ROBO4: variants seen among roughly 807,000 people sequenced by gnomAD.
ROBO4 encodes roundabout guidance receptor 4.
ROBO4 carries 80 observed loss-of-function variants against 103.3 expected under a neutral mutation model. That is an observed-to-expected ratio of 0.77 (90% CI 0.65 to 0.93). The LOEUF (loss-of-function observed/expected upper bound fraction) is 0.93, where lower values mean the gene tolerates loss of function less well. Among genes scored for constraint, ROBO4 ranks in the 40% least tolerant of loss-of-function variants. The pLI is 0.00. For missense variants in ROBO4, 1,333 were observed against 1,305.3 expected (o/e 1.02, Z -0.33); for synonymous variants, 504 against 529.7 (o/e 0.95, Z 0.67).
intron 4 of ROBO4, 115 bp from the exon 5 acceptor site, chr11:124,896,027 A>G (rs926617059): frequency 8.4e-6 from 13 of 1,543,776 alleles, no homozygotes; most frequent in Non-Finnish European, 1.1e-5. Context: ...CAGAGTCTCC[A>G]GGTCTTGAGC....
In ROBO4 at chr11:124,894,005, A is replaced by G; in HGVS notation, c.1359T>C (p.His453=). Residue 453 remains histidine, a synonymous_variant, in exon 9 of 18, where the codon CAT becomes CAC. Coordinates refer to ENST00000306534, the MANE Select transcript of ROBO4 (RefSeq NM_019055.6). ...TCAGCTGCTCCAGGGTCCAGGGACCATGCTCACTGGGTTCTTGGGTGGCTC... is the reference window on the plus strand; with the variant it reads ...TCAGCTGCTCCAGGGTCCAGGGACCGTGCTCACTGGGTTCTTGGGTGGCTC... ...MERATQEPSE[H]GPWTLEQLRA... The G allele has an allele frequency of 6.4e-7, 1 of 1,568,120 alleles. No individual in the cohort carries two copies. The highest frequency in any genetic ancestry group is 8.6e-7 in the Non-Finnish European group (1 of 1,157,516).
chr11:124,890,308 A>G (rs1163793313), intron 12 of ROBO4, among the ~76,000 whole-genome samples: 1 of 152,076 alleles, frequency 6.6e-6, no homozygotes, highest in Non-Finnish European at 1.5e-5. Flanking sequence ...TCTTATTAAA[A>G]GTTGGATTAA....
rs1278101787 is a variant in ROBO4 at position 124,883,946 on chromosome 11, A to G, written c.*945T>C. 6.6e-6 allele frequency: 1 copy of G among 152,134 alleles called. No homozygotes were observed. Among genetic ancestry groups the G allele is most frequent in the African/African-American group, 2.4e-5 (1 of 41,428 alleles). 9.4% of individuals were successfully genotyped at this position (152,134 alleles called of 1,614,324 possible). On this transcript the variant is annotated 3_prime_UTR_variant, in exon 18 of 18. Coordinates refer to ENST00000306534, the MANE Select transcript of ROBO4 (RefSeq NM_019055.6). ...TGCCTTAGACCATCCCACTTCCCTC[A>G]GCCATAAATATCCCTAAGGCTTATC...
Position 124,895,669 on chromosome 11 carries a change from G to T in ROBO4, c.824C>A (p.Ala275Glu). The T allele has an allele frequency of 6.2e-7, 1 of 1,612,724 alleles. No homozygotes were observed. Among genetic ancestry groups the T allele is most frequent in the Non-Finnish European group, 8.5e-7 (1 of 1,178,970 alleles). ...WLSWKVSGPA[A>E]PAQSYTALFR... is the part of the protein sequence containing the mutation. The stretch of plus-strand genomic sequence containing the variant: ...CAAGGCCGTGTAAGATTGGGCAGGC[G>T]CAGCAGGGCCACTGACCTGGGAAGG... The change falls in exon 6 of 18, where the codon GCG becomes GAG. Residue 275 changes from alanine to glutamate, a missense_variant. Physicochemically the swap from Ala to Glu is moderately radical, Grantham distance 107 (BLOSUM62 -1). Transcript: ENST00000306534.
At chr11:124,891,853 G>A (rs866801505) in intron 10 of ROBO4, 51 bp from the exon 11 acceptor site, 2 of 1,604,000 alleles carry the variant, frequency 1.2e-6, no homozygotes, top group Non-Finnish European at 1.7e-6. Context: ...GGAGAAGTGA[G>A]AACCTTTTTG....
intron 16 of ROBO4, among the ~76,000 whole-genome samples, chr11:124,885,933 A>G (rs1183498897): frequency 6.6e-6 from 1 of 152,026 alleles, no homozygotes; most frequent in Non-Finnish European, 1.5e-5. Flanking sequence ...TCATGCCTAT[A>G]CTCCCAACAC....
Position 124,893,965 on chromosome 11 carries a change from G to T in ROBO4, c.1399C>A (p.Arg467=). 6.2e-7 allele frequency: 1 copy of T among 1,600,208 alleles called. No individual in the cohort carries two copies. The highest frequency in any genetic ancestry group is 8.5e-7 in the Non-Finnish European group (1 of 1,174,592). ...TLEQLRATLK[R]PEVIATCGVA... Reference sequence around the variant, plus strand: ...CCGCAGGTGGCAATGACCTCAGGCCGCTTCAAGGTAGCCCTCAGCTGCTCC... The same window carrying T: ...CCGCAGGTGGCAATGACCTCAGGCCTCTTCAAGGTAGCCCTCAGCTGCTCC... Residue 467 remains arginine, a synonymous_variant, in exon 9 of 18, where the codon CGG becomes AGG. Coordinates refer to ENST00000306534, the MANE Select transcript of ROBO4 (RefSeq NM_019055.6).
chr11:124,889,486 T>A (rs1444508759), intron 12 of ROBO4, among the ~76,000 whole-genome samples: 1 of 152,178 alleles, frequency 6.6e-6, no homozygotes, highest in Admixed American at 6.5e-5. Context: ...CAATTCTAAT[T>A]GAATAAACTG....
Position 124,896,557 on chromosome 11 carries a change from A to G in ROBO4, c.514T>C (p.Trp172Arg). Residue 172 changes from tryptophan (W) to arginine (R), a missense_variant, in exon 3 of 18, where the codon TGG becomes CGG. Transcript: ENST00000306534. ...AGGGCCAGGGGTTTCCCATCTTTCC[A>G]CCATGAGACTGTGGGCTCTGGGTGG... ...WGHPEPTVSW[W>R]KDGKPLALQP... 1 of 1,613,984 alleles carries G rather than the reference A, an allele frequency of 6.2e-7. No individual in the cohort carries two copies. Among genetic ancestry groups the G allele is most frequent in the Non-Finnish European group, 8.5e-7 (1 of 1,179,960 alleles).
intron 10 of ROBO4, 57 bp from the exon 11 acceptor site, chr11:124,891,859 T>C: frequency 6.3e-7 from 1 of 1,598,226 alleles, no homozygotes. Context: ...GTGAGAACCT[T>C]TTTGGCCAAG....
At chr11:124,894,145 G>A in intron 8 of ROBO4, 56 bp downstream of exon 8, 2 of 1,565,396 alleles carry the variant, frequency 1.3e-6, no homozygotes, top group Admixed American at 3.6e-5. Flanking sequence ...AGCAGGGAGA[G>A]AGGAAGGCGG....
intron 7 of ROBO4, 99 bp downstream of exon 7, chr11:124,894,982 G>A: frequency 2.2e-6 from 2 of 925,382 alleles, no homozygotes; most frequent in South Asian, 1.5e-5. Context: ...TCTCTGCCCA[G>A]GTACCTTTCT....
intron 6 of ROBO4, 110 bp from the exon 7 acceptor site, chr11:124,895,303 T>G (rs2135378486): frequency 8.8e-7 from 1 of 1,137,364 alleles, no homozygotes. Context: ...ACAAGAAGCC[T>G]CTTGAAGCTC....
rs1258850926 is a variant in ROBO4, at chr11:124,894,021, TG to T, written c.1342del (p.Gln448LysfsTer14). ...CCAGGGACCATGCTCACTGGGTTCT[TG>T]GGTGGCTCGCTCCATGGCCTGCTCT... is the stretch of plus-strand genomic sequence containing the variant. The part of the protein sequence containing the change: ...LLEQAMERAT[Q>X]EPSEHGPWTL... On this transcript the variant is annotated frameshift_variant, in exon 9 of 18. Transcript: ENST00000306534. LOFTEE classifies it high-confidence loss of function. 1 of 1,554,952 alleles carries T rather than the reference TG, an allele frequency of 6.4e-7. No homozygotes were observed. The highest frequency in any genetic ancestry group is 1.4e-5 in the African/African-American group (1 of 73,434).
At position 124,887,461 on chromosome 11, in the gene ROBO4, C is replaced by T. The variant is rs1565322438; in HGVS notation, c.2095G>A (p.Gly699Arg). The T allele has an allele frequency of 2.5e-6, 4 of 1,613,928 alleles. No individual in the cohort carries two copies. ...TTTGAGGAGCTGAGGAGTTTCGGTC[C>T]CAGGGCCCGCCAGGCAACCAGAGCT... ...PQALVAWRAL[G>R]PKLLSSSNEL... The change falls in exon 14 of 18, where the codon GGA becomes AGA. Residue 699 changes from glycine (G) to arginine (R), a missense_variant. By Grantham distance (125) the Gly-to-Arg change is moderately radical (BLOSUM62 -2). Coordinates refer to ENST00000306534, the MANE Select transcript of ROBO4 (RefSeq NM_019055.6).
In ROBO4 at chr11:124,886,925, C is replaced by G. The variant is rs112524905; in HGVS notation, c.2435+52G>C. Reference sequence around the variant, plus strand: ...GGAGGGCGGAATGGGTGGAGAGGCGCTTGCCCCCACAGCTTTTCTGTAGTT... The same window carrying G: ...GGAGGGCGGAATGGGTGGAGAGGCGGTTGCCCCCACAGCTTTTCTGTAGTT... On this transcript the variant is annotated intron_variant, in intron 15 of 17. Transcript: ENST00000306534. The G allele has an allele frequency of 5.0e-5, 78 of 1,561,730 alleles. No individual in the cohort carries two copies. The African/African-American group carries it at 8.3e-4, about 17-fold the overall frequency.
intron 5 of ROBO4, 25 bp from the exon 6 acceptor site, chr11:124,895,710 C>G (rs767349634): frequency 1.9e-6 from 3 of 1,611,122 alleles, no homozygotes; most frequent in African/African-American, 1.3e-5. Flanking sequence ...CGAGGAAGGG[C>G]GGGGGGTCAG....
intron 10 of ROBO4, 50 bp downstream of exon 10, chr11:124,893,638 C>T (rs746577722): frequency 1.9e-6 from 3 of 1,563,380 alleles, no homozygotes; most frequent in South Asian, 1.1e-5. Context: ...TGCAGCTCCA[C>T]TGTCCCTTGC....
chr11:124,893,325 A>T (rs1047897435), intron 10 of ROBO4, among the ~76,000 whole-genome samples: 1 of 152,240 alleles, frequency 6.6e-6, no homozygotes, highest in African/African-American at 2.4e-5. Flanking sequence ...TGAGAGAATT[A>T]CTGAGTGCAA....
Sources: gnomAD v4.1 joint callset for allele counts (sites outside exome capture counted in the v4.1 genomes callset) on GRCh38, gnomAD v4.1.1 for gene constraint, MANE v1.5 for transcripts, NCBI Gene and HGNC (gene_info 2026-07-23, HGNC 2026-07-21) for gene names.